MANEAL: variants seen among roughly 807,000 people sequenced by gnomAD.
The protein encoded by MANEAL is glycoprotein endo-alpha-1,2-mannosidase-like protein.
MANEAL carries 28 observed loss-of-function variants against 35.9 expected under a neutral mutation model. The observed-to-expected ratio is 0.78, with a 90% CI of 0.58 to 1.07. MANEAL has a LOEUF of 1.07. Among genes scored for constraint, MANEAL ranks in the 50% least tolerant of loss-of-function variants. MANEAL has a pLI of 0.00. For missense variants in MANEAL, 576 were observed against 629.6 expected (o/e 0.91, Z 0.91); for synonymous variants, 286 against 272.2 (o/e 1.05, Z -0.50).
chr1:37,800,098 C>T lies in MANEAL; in HGVS notation c.1269C>T (p.Thr423=), dbSNP rs1329263671. The stretch of plus-strand genomic sequence containing the variant: ...AGGCCATTCCCAAGAAGACACCCAC[C>T]CGCCTGTATTTGGACTACCTGCCTC... The part of the protein sequence containing the change: ...IEKAIPKKTP[T]RLYLDYLPHQ... Residue 423 remains threonine (T), a synonymous_variant, in exon 4 of 4, where the codon ACC becomes ACT. Coordinates refer to ENST00000373045, the MANE Select transcript of MANEAL (RefSeq NM_001113482.2). 10 of 1,613,764 alleles carry T rather than the reference C, an allele frequency of 6.2e-6. No individual in the cohort carries two copies. The Admixed American group carries it at 1.5e-4, about 24-fold the overall frequency.
At chr1:37,795,947 G>A (rs1414928407) in intron 2 of MANEAL, 101 bp downstream of exon 2, 4 of 978,206 alleles carry the variant, frequency 4.1e-6, no homozygotes, top group East Asian at 5.1e-5. Context: ...CTTGGCAGTA[G>A]CCCAAAGGGA....
intron 2 of MANEAL, among the ~76,000 whole-genome samples, chr1:37,796,462 G>C (rs1646645881): frequency 6.6e-6 from 1 of 152,216 alleles, no homozygotes; most frequent in Admixed American, 6.5e-5. Flanking sequence ...CAGGCAGCTA[G>C]CACCAACCAC....
In MANEAL at chr1:37,795,463, C is replaced by T. The variant is rs894915781; in HGVS notation, c.551-274C>T. The T allele has an allele frequency of 2.4e-6, 3 of 1,273,924 alleles. No homozygotes were observed. The South Asian group carries it at 4.9e-5, about 21-fold the overall frequency. 78.9% of individuals were successfully genotyped at this position (1,273,924 alleles called of 1,614,324 possible). Reference sequence around the variant, plus strand: ...TGGGTGTGGCACTGTCCTCCCATTCCCTTTGTTCTACTACTTGCTGAGGCA... The same window carrying T: ...TGGGTGTGGCACTGTCCTCCCATTCTCTTTGTTCTACTACTTGCTGAGGCA... On this transcript the variant is annotated intron_variant, in intron 1 of 3. Transcript: ENST00000373045.
chr1:37,799,690 C>T lies in MANEAL; in HGVS notation c.861C>T (p.Asn287=), dbSNP rs777187823. 60 of 1,614,086 alleles carry T rather than the reference C, an allele frequency of 3.7e-5. No individual in the cohort carries two copies. The highest frequency in any genetic ancestry group is 3.3e-4 in the Admixed American group (20 of 60,002). The stretch of plus-strand genomic sequence containing the variant: ...CCTGGGCCCACCTCCTGACACCAAA[C>T]GGGCCCCATTCGATCCGCAACACGC... ...PEAWAHLLTP[N]GPHSIRNTPY... The change falls in exon 4 of 4, where the codon AAC becomes AAT. Residue 287 remains asparagine (N), a synonymous_variant. Transcript: ENST00000373045. This position sits in a 1 kb window ranked among gnomAD's most constrained non-coding sequence, Gnocchi z 4.1.
In MANEAL at chr1:37,800,072, A is replaced by G; in HGVS notation, c.1243A>G (p.Lys415Glu). 1 of 1,614,144 alleles carries G rather than the reference A, an allele frequency of 6.2e-7. No homozygotes were observed. The highest frequency in any genetic ancestry group is 1.1e-5 in the South Asian group (1 of 91,084). The part of the protein sequence containing the change: ...NEWHEGTQIE[K>E]AIPKKTPTRL... The stretch of plus-strand genomic sequence containing the variant: ...GTGGCACGAGGGCACCCAGATTGAG[A>G]AGGCCATTCCCAAGAAGACACCCAC... The change falls in exon 4 of 4, where the codon AAG (lysine) becomes GAG (glutamate). Residue 415 changes from lysine to glutamate, a missense_variant. Physicochemically the swap from Lys to Glu is moderately conservative, Grantham distance 56. Coordinates refer to ENST00000373045, the MANE Select transcript of MANEAL (RefSeq NM_001113482.2).
At position 37,794,641 on chromosome 1, in the gene MANEAL, C is replaced by T. The variant is rs760150719; in HGVS notation, c.459C>T (p.Gly153=). Residue 153 remains glycine, a synonymous_variant, in exon 1 of 4, where the codon GGC becomes GGT. Coordinates refer to ENST00000373045, the MANE Select transcript of MANEAL (RefSeq NM_001113482.2). This position sits in a 1 kb window ranked among gnomAD's most constrained non-coding sequence, Gnocchi z 5.7. ...RGRHSPPDDL[G]SSFYPELGPY... is the part of the protein sequence containing the mutation. Reference sequence around the variant, plus strand: ...GCCACAGCCCCCCAGACGACTTGGGCTCCAGCTTCTACCCGGAGCTGGGGC... The same window carrying T: ...GCCACAGCCCCCCAGACGACTTGGGTTCCAGCTTCTACCCGGAGCTGGGGC... 1.5e-5 allele frequency: 24 copies of T among 1,610,812 alleles called. No homozygotes were observed. The highest frequency in any genetic ancestry group is 3.3e-5 in the Admixed American group (2 of 59,890).
rs779699516 is a variant in MANEAL at position 37,795,693 on chromosome 1, G to T, written c.551-44G>T. The T allele has an allele frequency of 5.0e-6, 8 of 1,612,776 alleles. No homozygotes were observed. The East Asian group carries it at 6.7e-5, about 13-fold the overall frequency. Reference sequence around the variant, plus strand: ...GTGAGGAAAAAAATCTCTGTTGAGGGGGGTACTGTGTGTCTCTGAAGTGGC... The same window carrying T: ...GTGAGGAAAAAAATCTCTGTTGAGGTGGGTACTGTGTGTCTCTGAAGTGGC... On this transcript the variant is annotated intron_variant, in intron 1 of 3. Coordinates refer to ENST00000373045, the MANE Select transcript of MANEAL (RefSeq NM_001113482.2).
chr1:37,794,746 A>AC lies in MANEAL; in HGVS notation c.550+18dup. 1 of 1,523,216 alleles carries AC rather than the reference A, an allele frequency of 6.6e-7. No individual in the cohort carries two copies. The highest frequency in any genetic ancestry group is 8.8e-7 in the Non-Finnish European group (1 of 1,133,554). The allele number at this position is 1,523,216 out of a possible 1,614,324, so 94.4% of individuals were successfully genotyped here. A position where few individuals can be genotyped will look rare whatever the true frequency, so the allele number is the denominator to read the frequency against. Reference sequence around the variant, plus strand: ...AAGCCGCCATCGGTGAGCGCCCCCCACCCCGGGCGGCCCTGCCCCCCAGCC... The same window carrying AC: ...AAGCCGCCATCGGTGAGCGCCCCCCACCCCCGGGCGGCCCTGCCCCCCAGCC... On this transcript the variant is annotated intron_variant, in intron 1 of 3. Coordinates refer to ENST00000373045, the MANE Select transcript of MANEAL (RefSeq NM_001113482.2). This position sits in a 1 kb window ranked among gnomAD's most constrained non-coding sequence, Gnocchi z 5.7.
rs200368367 is a variant in MANEAL, at chr1:37,796,793, A to G, written c.710A>G (p.His237Arg). Reference protein sequence around the residue: ...PYKGRDDITVHDNIKYIIDTY... With the variant: ...PYKGRDDITVRDNIKYIIDTY... Reference sequence around the variant, plus strand: ...AAGGGCCGGGATGACATCACTGTACATGACAACATCAAGTACATCATTGAC... The same window carrying G: ...AAGGGCCGGGATGACATCACTGTACGTGACAACATCAAGTACATCATTGAC... The change falls in exon 3 of 4, where the codon CAT (histidine) becomes CGT (arginine). Residue 237 changes from histidine to arginine, a missense_variant. By Grantham distance (29) the His-to-Arg change is conservative. This residue lies in a region of MANEAL where 449 missense variants were observed against 516.1 expected (regional missense o/e 0.87). Coordinates refer to ENST00000373045, the MANE Select transcript of MANEAL (RefSeq NM_001113482.2). The G allele has an allele frequency of 8.1e-6, 13 of 1,609,980 alleles. No homozygotes were observed. The African/African-American group carries it at 9.4e-5, about 12-fold the overall frequency.
In MANEAL at chr1:37,799,567, G is replaced by A. The variant is rs1022166247; in HGVS notation, c.738G>A (p.Thr246=). The part of the protein sequence containing the change: ...VHDNIKYIID[T]YGSHGAFYRY... ...TGAGGCTCTTCTTTCTCCTTCTCAG[G>A]TATGGCTCCCATGGTGCATTTTACC... Residue 246 remains threonine, a splice_region_variant and synonymous_variant, in exon 4 of 4, where the codon ACG becomes ACA. Transcript: ENST00000373045. This position sits in a 1 kb window ranked among gnomAD's most constrained non-coding sequence, Gnocchi z 4.1. The A allele has an allele frequency of 3.7e-6, 6 of 1,611,860 alleles. No individual in the cohort carries two copies. The African/African-American group carries it at 6.7e-5, about 18-fold the overall frequency.
At position 37,796,739 on chromosome 1, in the gene MANEAL, G is replaced by A. The variant is rs975297186; in HGVS notation, c.661-5G>A. On this transcript the variant is annotated splice_polypyrimidine_tract_variant and splice_region_variant and intron_variant, in intron 2 of 3. Transcript: ENST00000373045. ...ACCTGACCATTACTCCTCTGTTTGT[G>A]GCAGGTGGCCTTCCACATCCAACCC... 7 of 1,593,290 alleles carry A rather than the reference G, an allele frequency of 4.4e-6. No homozygotes were observed. In the East Asian group the frequency reaches 1.6e-4, roughly 36 times the overall value.
intron 1 of MANEAL, chr1:37,795,436 G>T: frequency 6.2e-6 from 7 of 1,135,426 alleles, no homozygotes; most frequent in Non-Finnish European, 7.8e-6. Context: ...GTGGCTTCCA[G>T]GTGGGTGTGG....
chr1:37,800,418 C>CA lies in MANEAL; in HGVS notation c.*216dup. The CA allele has an allele frequency of 1.7e-6, 1 of 604,968 alleles. No homozygotes were observed. The highest frequency in any genetic ancestry group is 2.9e-6 in the Non-Finnish European group (1 of 345,882). 37.5% of individuals were successfully genotyped at this position (604,968 alleles called of 1,614,324 possible). A position where few individuals can be genotyped will look rare whatever the true frequency, so the allele number is the denominator to read the frequency against. ...AGGTGCTCTGTGGTGATGGGAACGGCAGAGGCTGGCAGGTGACTGAACTTA... is the reference window on the plus strand; with the variant it reads ...AGGTGCTCTGTGGTGATGGGAACGGCAAGAGGCTGGCAGGTGACTGAACTTA... On this transcript the variant is annotated 3_prime_UTR_variant, in exon 4 of 4. Transcript: ENST00000373045.
chr1:37,796,645 A>ACTC (rs1646647249), intron 2 of MANEAL, 99 bp from the exon 3 acceptor site: 6 of 1,177,702 alleles, frequency 5.1e-6, no homozygotes, highest in Non-Finnish European at 7.3e-6. Flanking sequence ...CCTCTTCTGA[A>ACTC]CTCAGCCTCT....
rs370319457 is a variant in MANEAL at position 37,794,988 on chromosome 1, G to A, written c.550+256G>A. On this transcript the variant is annotated intron_variant, in intron 1 of 3. Coordinates refer to ENST00000373045, the MANE Select transcript of MANEAL (RefSeq NM_001113482.2). The surrounding 1 kb of genome is among the most constrained non-coding windows in gnomAD (Gnocchi z 5.7). Reference sequence around the variant, plus strand: ...TTCCCATAGGGCGGAACTGCTAGGAGTTTGCACCAGGAGAGGGAGGCAGAG... The same window carrying A: ...TTCCCATAGGGCGGAACTGCTAGGAATTTGCACCAGGAGAGGGAGGCAGAG... 2.1e-4 allele frequency among the ~76,000 whole-genome samples: 32 copies of A among 152,364 alleles called. No homozygotes were observed. Among genetic ancestry groups the A allele is most frequent in the African/African-American group, 7.0e-4 (29 of 41,592 alleles).
At chr1:37,796,576 G>A (rs1646646820) in intron 2 of MANEAL, among the ~76,000 whole-genome samples, 168 bp from the exon 3 acceptor site, 1 of 152,172 alleles carries the variant, frequency 6.6e-6, no homozygotes. Flanking sequence ...GCTCACCCCT[G>A]TTTTGGCCTT....
At chr1:37,797,175 C>T (rs1329061831) in intron 3 of MANEAL, among the ~76,000 whole-genome samples, 4 of 152,036 alleles carry the variant, frequency 2.6e-5, no homozygotes, top group East Asian at 3.9e-4. Flanking sequence ...TCGAGGCAGG[C>T]GGATCACTTG....
rs748598879 is a variant in MANEAL at position 37,794,494 on chromosome 1, C to T, written c.312C>T (p.Asp104=). Residue 104 remains aspartate, a synonymous_variant, in exon 1 of 4, where the codon GAC becomes GAT. Coordinates refer to ENST00000373045, the MANE Select transcript of MANEAL (RefSeq NM_001113482.2). The surrounding 1 kb of genome is among the most constrained non-coding windows in gnomAD (Gnocchi z 5.7). The part of the protein sequence containing the change: ...APVQSLRVYS[D]LHAFYYSWYG... ...TGCAGAGCCTGCGCGTCTACTCGGA[C>T]CTGCACGCCTTCTACTACTCGTGGT... 4 of 1,606,110 alleles carry T rather than the reference C, an allele frequency of 2.5e-6. No homozygotes were observed. The South Asian group carries it at 3.3e-5, about 13-fold the overall frequency.
At position 37,799,354 on chromosome 1, in the gene MANEAL, G is replaced by T. The variant is rs1391360737; in HGVS notation, c.738-213G>T. On this transcript the variant is annotated intron_variant, in intron 3 of 3. Transcript: ENST00000373045. This position sits in a 1 kb window ranked among gnomAD's most constrained non-coding sequence, Gnocchi z 4.1. ...GCAATCCAGATGGAAGACGGTGGTG[G>T]CTTGGCTAAGGGTAGGGAAGTGAGG... 6.6e-6 allele frequency among the ~76,000 whole-genome samples: 1 copy of T among 152,226 alleles called. No individual in the cohort carries two copies. The highest frequency in any genetic ancestry group is 1.9e-4 in the East Asian group (1 of 5,202).
Sources: gnomAD v4.1 joint callset for allele counts (sites outside exome capture counted in the v4.1 genomes callset) on GRCh38, gnomAD v4.1.1 for gene constraint, gnomAD v4.1.1 regional missense constraint, Gnocchi (gnomAD v3.1) non-coding constraint, MANE v1.5 for transcripts, NCBI Gene and HGNC (gene_info 2026-07-23, HGNC 2026-07-21) for gene names.